OPCML: variants seen among roughly 807,000 people sequenced by gnomAD.
OPCML encodes the protein opioid-binding protein/cell adhesion molecule.
A neutral mutation model predicts 37.8 loss-of-function variants in OPCML; 13 were observed. The ratio of observed to expected loss-of-function variants is 0.34; its 90% CI spans 0.22 to 0.55. The LOEUF (loss-of-function observed/expected upper bound fraction) is 0.55. Among genes scored for constraint, OPCML ranks in the 20% least tolerant of loss-of-function variants. OPCML has a pLI of 0.91. For missense variants in OPCML, 341 were observed against 435.6 expected (o/e 0.78, Z 1.93); for synonymous variants, 176 against 168.8 (o/e 1.04, Z -0.33).
chr11:132,480,771 G>A (rs1255886619), intron 4 of OPCML, among the ~76,000 whole-genome samples: 1 of 152,062 alleles, frequency 6.6e-6, no homozygotes, highest in Non-Finnish European at 1.5e-5. Context: ...GCCAAACTAA[G>A]CTTCATAAGT....
chr11:133,249,161 G>A (rs756225007), intron 1 of OPCML, among the ~76,000 whole-genome samples: 2 of 152,130 alleles, frequency 1.3e-5, no homozygotes, highest in South Asian at 2.1e-4. Flanking sequence ...AAAGAAAAGA[G>A]GTTTCTTGGG....
intron 2 of OPCML, among the ~76,000 whole-genome samples, chr11:132,718,661 G>C (rs755448973): frequency 1.4e-4 from 22 of 152,108 alleles, no homozygotes; most frequent in Non-Finnish European, 3.1e-4. Context: ...GATAGTGGAC[G>C]TGTGCTTCTG....
intron 3 of OPCML, among the ~76,000 whole-genome samples, chr11:132,576,515 T>C (rs2096451239): frequency 6.6e-6 from 1 of 152,164 alleles, no homozygotes; most frequent in Non-Finnish European, 1.5e-5. Context: ...TTTGTTGAAA[T>C]TGTCACCTTG....
At chr11:132,677,804 G>C (rs1942773796) in intron 2 of OPCML, among the ~76,000 whole-genome samples, 1 of 151,988 alleles carries the variant, frequency 6.6e-6, no homozygotes, top group African/African-American at 2.4e-5. Flanking sequence ...AAATCTCCTG[G>C]ATAAAAACAG....
intron 3 of OPCML, among the ~76,000 whole-genome samples, chr11:132,624,651 A>G (rs1045092071): frequency 6.6e-6 from 1 of 151,924 alleles, no homozygotes; most frequent in Admixed American, 6.6e-5. Flanking sequence ...CGTTCTACCC[A>G]TTCCTCCATG....
At chr11:132,784,982 AAC>A (rs1158223827) in intron 2 of OPCML, among the ~76,000 whole-genome samples, 2 of 152,194 alleles carry the variant, frequency 1.3e-5, no homozygotes, top group African/African-American at 4.8e-5. Context: ...AGAATGGACT[AAC>A]ACAGTCTGTG....
intron 1 of OPCML, among the ~76,000 whole-genome samples, chr11:133,465,126 AC>A: frequency 6.6e-6 from 1 of 152,158 alleles, no homozygotes; most frequent in East Asian, 1.9e-4. Context: ...TGTCAGCAGA[AC>A]TTAATTCCTT....
At chr11:133,437,413 A>G (rs921956562) in intron 1 of OPCML, among the ~76,000 whole-genome samples, 1 of 152,176 alleles carries the variant, frequency 6.6e-6, no homozygotes, top group African/African-American at 2.4e-5. Flanking sequence ...TCCACAGTGT[A>G]AACGCTTCAG....
Position 133,349,783 on chromosome 11 carries a change from A to G in OPCML, c.61+182481T>C, listed in dbSNP as rs532756323. Among the ~76,000 whole-genome samples the G allele has an allele frequency of 1.8e-3, 273 of 152,350 alleles. 1 individual carries two copies. The highest frequency in any genetic ancestry group is 5.4e-3 in the African/African-American group (225 of 41,576). On this transcript the variant is annotated intron_variant, in intron 1 of 7. Transcript: ENST00000524381. ...AGATCCCAGACGGAAATAGTGGGAC[A>G]TGCTAAACCATCAGAAAAAAAAATA...
In OPCML at chr11:133,530,478, G is replaced by A. The variant is rs190417608; in HGVS notation, c.61+1786C>T. Among the ~76,000 whole-genome samples, 9 of 152,322 alleles carry A rather than the reference G, an allele frequency of 5.9e-5. No individual in the cohort carries two copies. The Middle Eastern group carries it at 0.01, about 173-fold the overall frequency. On this transcript the variant is annotated intron_variant, in intron 1 of 7. Coordinates refer to ENST00000524381, the MANE Select transcript of OPCML (RefSeq NM_001012393.5). ...GGAAGCGGGTATGAGGAGGCCCCCC[G>A]GAGCTGCCATCCAGCTGGGGACTTG...
intron 1 of OPCML, among the ~76,000 whole-genome samples, chr11:133,048,609 T>C (rs571145709): frequency 6.6e-6 from 1 of 152,324 alleles, no homozygotes; most frequent in South Asian, 2.1e-4. Context: ...GCCACTTACT[T>C]ACTTAGAAAC....
At chr11:133,185,933 A>G (rs1938051762) in intron 1 of OPCML, among the ~76,000 whole-genome samples, 1 of 152,218 alleles carries the variant, frequency 6.6e-6, no homozygotes, top group South Asian at 2.1e-4. Flanking sequence ...CAGAAGATAC[A>G]TGTGAGTACA....
chr11:133,339,434 C>T (rs1025474233), intron 1 of OPCML, among the ~76,000 whole-genome samples: 8 of 152,324 alleles, frequency 5.3e-5, no homozygotes, highest in Admixed American at 4.6e-4. Flanking sequence ...CACCTCTCCA[C>T]GTGGCAGGGA....
chr11:132,461,908 G>T (rs954991070), intron 4 of OPCML, among the ~76,000 whole-genome samples: 1 of 152,072 alleles, frequency 6.6e-6, no homozygotes, highest in Non-Finnish European at 1.5e-5. Context: ...GGGTAACCAC[G>T]CCCATGATTA....
intron 3 of OPCML, among the ~76,000 whole-genome samples, chr11:132,547,499 T>C (rs2096371448): frequency 6.6e-6 from 1 of 151,736 alleles, no homozygotes; most frequent in South Asian, 2.1e-4. Flanking sequence ...AGAGGCAGAG[T>C]CTGGAAAAGT....
At chr11:133,447,669 G>A (rs1488578264) in intron 1 of OPCML, among the ~76,000 whole-genome samples, 1 of 152,170 alleles carries the variant, frequency 6.6e-6, no homozygotes, top group Non-Finnish European at 1.5e-5. Context: ...ATGGCCTCCA[G>A]CTGCATCCAT....
intron 2 of OPCML, among the ~76,000 whole-genome samples, chr11:132,908,490 C>A (rs962816116): frequency 5.3e-5 from 8 of 152,162 alleles, no homozygotes; most frequent in South Asian, 2.1e-4. Context: ...TTTGTGCTTA[C>A]TTGAAAAGTC....
intron 1 of OPCML, among the ~76,000 whole-genome samples, chr11:133,077,296 G>A (rs187311031): frequency 5.8e-4 from 88 of 151,998 alleles, no homozygotes; most frequent in African/African-American, 1.8e-3. Flanking sequence ...CTCATCACAC[G>A]GAGTCAGGTT....
At chr11:132,560,963 T>C (rs187114996) in intron 3 of OPCML, among the ~76,000 whole-genome samples, 3 of 152,340 alleles carry the variant, frequency 2.0e-5, no homozygotes, top group Admixed American at 2.0e-4. Context: ...CATTTGCCTT[T>C]GGGTTCTTGG....
Sources: allele counts gnomAD v4.1 joint callset (sites outside exome capture counted in the v4.1 genomes callset), GRCh38; gene constraint gnomAD v4.1.1; transcripts MANE v1.5; gene names NCBI Gene and HGNC (gene_info 2026-07-23, HGNC 2026-07-21).